FGF12: variants seen among roughly 807,000 people sequenced by gnomAD.
FGF12 encodes the protein fibroblast growth factor 12B.
FGF12 carries 14 observed loss-of-function variants against 23.6 expected under a neutral mutation model. The ratio of observed to expected loss-of-function variants is 0.59; its 90% CI spans 0.39 to 0.93. FGF12 has a LOEUF of 0.93. FGF12 is among the 40% of genes least tolerant of loss of function. FGF12 has a pLI of 0.00. For missense variants in FGF12, 175 were observed against 217.8 expected, an observed-to-expected ratio of 0.80 and a Z score of 1.24; for synonymous variants, 62 against 77.3, an observed-to-expected ratio of 0.80 and a Z score of 1.04.
At chr3:192,715,556 CCT>C (rs1447565987) in intron 2 of FGF12, among the ~76,000 whole-genome samples, 1 of 152,168 alleles carries the variant, frequency 6.6e-6, no homozygotes, top group Non-Finnish European at 1.5e-5. Context: ...ATGTCAAATT[CCT>C]CTCTATATTC....
chr3:192,264,909 T>C lies in FGF12; in HGVS notation c.228+70452A>G, dbSNP rs1712984433. On this transcript the variant is annotated intron_variant, in intron 4 of 5. Coordinates refer to ENST00000445105, the MANE Select transcript of FGF12 (RefSeq NM_004113.6). Reference sequence around the variant, plus strand: ...CTCTGTCTCTCTAAATGTTCTGGTCTACATCAAGGCCATTCAGGTGTGTTA... The same window carrying C: ...CTCTGTCTCTCTAAATGTTCTGGTCCACATCAAGGCCATTCAGGTGTGTTA... Among the ~76,000 whole-genome samples, 2 of 152,176 alleles carry C rather than the reference T, an allele frequency of 1.3e-5. 1 individual carries two copies. Among genetic ancestry groups the C allele is most frequent in the South Asian group, 4.1e-4 (2 of 4,824 alleles).
intron 4 of FGF12, among the ~76,000 whole-genome samples, chr3:192,325,241 A>G (rs1024737367): frequency 6.6e-6 from 1 of 152,132 alleles, no homozygotes; most frequent in African/African-American, 2.4e-5. Flanking sequence ...GGGGTGAAAA[A>G]AGAAATAGGC....
intron 2 of FGF12, among the ~76,000 whole-genome samples, chr3:192,576,278 T>C (rs1202178617): frequency 6.6e-6 from 1 of 152,212 alleles, no homozygotes; most frequent in African/African-American, 2.4e-5. Flanking sequence ...CCATATGATT[T>C]CATCCGCACA....
At chr3:192,355,644 G>A (rs1465973736) in intron 3 of FGF12, among the ~76,000 whole-genome samples, 1 of 152,208 alleles carries the variant, frequency 6.6e-6, no homozygotes, top group Non-Finnish European at 1.5e-5. Context: ...TGTGTGTCAA[G>A]TGGTTTTAAG....
chr3:192,393,782 A>G (rs1720405009), intron 2 of FGF12, among the ~76,000 whole-genome samples: 1 of 152,226 alleles, frequency 6.6e-6, no homozygotes. Flanking sequence ...ACTAATGAGC[A>G]TAAATTAATT....
intron 4 of FGF12, among the ~76,000 whole-genome samples, chr3:192,315,383 T>C (rs977420828): frequency 3.3e-5 from 5 of 152,202 alleles, no homozygotes; most frequent in African/African-American, 1.2e-4. Context: ...CAGATCTCTA[T>C]TCCTTTCAAA....
rs557921284 is a variant in FGF12, at chr3:192,306,631, C to T, written c.228+28730G>A. ...AATGAATGAATTCTAGTTCTCAACC[C>T]TGTATTGCTGATTGATATATGTTGA... On this transcript the variant is annotated intron_variant, in intron 4 of 5. Coordinates refer to ENST00000445105, the MANE Select transcript of FGF12 (RefSeq NM_004113.6). Among the ~76,000 whole-genome samples, 176 of 152,274 alleles carry T rather than the reference C, an allele frequency of 1.2e-3. 1 individual carries two copies. The highest frequency in any genetic ancestry group is 4.1e-3 in the African/African-American group (170 of 41,548).
intron 3 of FGF12, among the ~76,000 whole-genome samples, chr3:192,353,687 A>G (rs1488173131): frequency 1.3e-5 from 2 of 152,122 alleles, no homozygotes; most frequent in Non-Finnish European, 2.9e-5. Context: ...AAGTCTTATG[A>G]TCAAAAATAT....
intron 5 of FGF12, among the ~76,000 whole-genome samples, chr3:192,158,670 C>CCCCTCCTTCTTTCCTTCCTTCCT (rs71177347): frequency 1.3e-5 from 1 of 74,652 alleles, no homozygotes; most frequent in Non-Finnish European, 2.9e-5. Flanking sequence ...CCTTCCCTCC[C>CCCCTCCTTCTTTCCTTCCTTCCT]TCCCTCTCTC....
chr3:192,160,852 G>T (rs1714829781), intron 5 of FGF12, among the ~76,000 whole-genome samples: 1 of 151,932 alleles, frequency 6.6e-6, no homozygotes, highest in Non-Finnish European at 1.5e-5. Context: ...TTTATCTAAG[G>T]TCCTAAACTT....
chr3:192,577,559 T>C (rs1190640401), intron 2 of FGF12, among the ~76,000 whole-genome samples: 2 of 152,172 alleles, frequency 1.3e-5, no homozygotes, highest in Admixed American at 6.5e-5. Flanking sequence ...AGAAAAAAGC[T>C]GGGACAGAGA....
intron 4 of FGF12, among the ~76,000 whole-genome samples, chr3:192,202,797 T>C (rs1490601464): frequency 6.6e-6 from 1 of 152,178 alleles, no homozygotes; most frequent in Non-Finnish European, 1.5e-5. Context: ...TTATAATGTA[T>C]ATGACAAGGC....
intron 4 of FGF12, among the ~76,000 whole-genome samples, chr3:192,242,251 T>C (rs551243004): frequency 6.6e-6 from 1 of 152,296 alleles, no homozygotes; most frequent in African/African-American, 2.4e-5. Context: ...AAATAAGTTT[T>C]AGCTGCCAGG....
chr3:192,583,097 C>G (rs890945611), intron 2 of FGF12, among the ~76,000 whole-genome samples: 1 of 152,196 alleles, frequency 6.6e-6, no homozygotes, highest in Non-Finnish European at 1.5e-5. Flanking sequence ...AGTTCTCATT[C>G]ATTTCTCCAG....
At chr3:192,623,835 G>T (rs570445957) in intron 2 of FGF12, among the ~76,000 whole-genome samples, 45 of 152,236 alleles carry the variant, frequency 3.0e-4, no homozygotes, top group African/African-American at 1.1e-3. Context: ...CATCAGAGCT[G>T]AGCCCTTCTT....
chr3:192,179,816 G>T (rs1716070614), intron 4 of FGF12, among the ~76,000 whole-genome samples: 1 of 151,976 alleles, frequency 6.6e-6, no homozygotes, highest in South Asian at 2.1e-4. Context: ...GGGGTGCTGG[G>T]AATACAACCA....
chr3:192,163,340 A>G (rs565357466), intron 5 of FGF12, among the ~76,000 whole-genome samples: 3 of 152,288 alleles, frequency 2.0e-5, no homozygotes, highest in East Asian at 1.9e-4. Flanking sequence ...TACTGACTTC[A>G]TATAGGAATT....
intron 2 of FGF12, among the ~76,000 whole-genome samples, chr3:192,574,740 C>T (rs540753287): frequency 6.6e-6 from 1 of 152,316 alleles, no homozygotes; most frequent in African/African-American, 2.4e-5. Flanking sequence ...GTACTAGGTA[C>T]AATAATTGAG....
At chr3:192,370,134 A>T (rs1323429311) in intron 2 of FGF12, among the ~76,000 whole-genome samples, 1 of 152,190 alleles carries the variant, frequency 6.6e-6, no homozygotes, top group African/African-American at 2.4e-5. Context: ...GCGACAGCAG[A>T]AAAGAAGCAG....
Sources: gnomAD v4.1 joint callset for allele counts (sites outside exome capture counted in the v4.1 genomes callset) on GRCh38, gnomAD v4.1.1 for gene constraint, MANE v1.5 for transcripts, NCBI Gene and HGNC (gene_info 2026-07-23, HGNC 2026-07-21) for gene names.